TG: variants seen among roughly 807,000 people sequenced by gnomAD.
TG encodes thyroid hormones.
Under a neutral mutation model 324.7 loss-of-function variants are expected in TG, and 270 were observed. The ratio of observed to expected loss-of-function variants is 0.83; its 90% CI spans 0.75 to 0.92. TG has a LOEUF of 0.92. TG is among the 40% of genes least tolerant of loss of function. The pLI, the probability that TG is intolerant of heterozygous loss-of-function variation, is 0.00. For missense variants in TG, 3,591 were observed against 3,456.4 expected (o/e 1.04, Z -0.98); for synonymous variants, 1,401 against 1,327.0 (o/e 1.06, Z -1.21).
At chr8:132,883,225 G>C (rs1814912876) in intron 8 of TG, 1 of 575,702 alleles carries the variant, frequency 1.7e-6, no homozygotes, top group African/African-American at 1.9e-5. Context: ...GGGAATATTA[G>C]GAGGCTCATA....
At chr8:133,016,906 T>A (rs1475867520) in intron 37 of TG, among the ~76,000 whole-genome samples, 1 of 152,200 alleles carries the variant, frequency 6.6e-6, no homozygotes. Flanking sequence ...GCGATTAGTG[T>A]TGCATGGAGC....
At chr8:133,132,111 C>A (rs1481111746) in intron 46 of TG, among the ~76,000 whole-genome samples, 165 bp downstream of exon 46, 2 of 152,182 alleles carry the variant, frequency 1.3e-5, no homozygotes, top group Non-Finnish European at 2.9e-5. Flanking sequence ...CCCTCCTAGC[C>A]AAAACTGCTT....
At chr8:132,965,598 G>A (rs1314739189) in intron 29 of TG, among the ~76,000 whole-genome samples, 1 of 152,356 alleles carries the variant, frequency 6.6e-6, no homozygotes, top group East Asian at 1.9e-4. Flanking sequence ...CAAGGTTACA[G>A]AGCTATCCCC....
intron 35 of TG, among the ~76,000 whole-genome samples, chr8:132,995,797 A>G (rs1832821374): frequency 6.6e-6 from 1 of 152,224 alleles, no homozygotes. Flanking sequence ...TCATGAGGCC[A>G]TAGAAGGAAT....
intron 24 of TG, among the ~76,000 whole-genome samples, chr8:132,933,926 G>GGAA (rs1191090158): frequency 6.6e-6 from 1 of 152,194 alleles, no homozygotes; most frequent in Non-Finnish European, 1.5e-5. Context: ...GAGTCAGTCA[G>GGAA]GAGAGAACCA....
At chr8:132,928,003 T>C (rs113655193) in intron 22 of TG, among the ~76,000 whole-genome samples, 1 of 152,206 alleles carries the variant, frequency 6.6e-6, no homozygotes, top group African/African-American at 2.4e-5. Context: ...CAGAATTCTT[T>C]TCTCTATCAA....
At position 132,972,569 on chromosome 8, in the gene TG, G is replaced by T. The variant is rs561880524; in HGVS notation, c.6056-29G>T. 1.6e-4 allele frequency: 229 copies of T among 1,459,196 alleles called. 4 individuals carry two copies. Among genetic ancestry groups the T allele is most frequent in the African/African-American group, 6.2e-4 (41 of 66,256 alleles). 90.4% of individuals were successfully genotyped at this position (1,459,196 alleles called of 1,614,324 possible). On this transcript the variant is annotated intron_variant, in intron 33 of 47. Coordinates refer to ENST00000220616, the MANE Select transcript of TG (RefSeq NM_003235.5). ...CATTGTACTCAGTTTCCTGATTGTGGTTTTTTGTTTTTTTTTTTTCCACCC... is the reference window on the plus strand; with the variant it reads ...CATTGTACTCAGTTTCCTGATTGTGTTTTTTTGTTTTTTTTTTTTCCACCC...
At chr8:132,872,992 A>T in intron 4 of TG, 70 bp from the exon 5 acceptor site, 2 of 1,547,356 alleles carry the variant, frequency 1.3e-6, no homozygotes, top group South Asian at 2.3e-5. Context: ...ACACGAGTGC[A>T]TATGCTGCTC....
At chr8:132,984,375 A>T (rs186524837) in intron 35 of TG, among the ~76,000 whole-genome samples, 1 of 152,224 alleles carries the variant, frequency 6.6e-6, no homozygotes, top group Non-Finnish European at 1.5e-5. Flanking sequence ...TGGAGAACAC[A>T]TTATATATAA....
intron 23 of TG, among the ~76,000 whole-genome samples, chr8:132,930,067 C>T (rs1222496753): frequency 6.6e-6 from 1 of 152,160 alleles, no homozygotes; most frequent in African/African-American, 2.4e-5. Flanking sequence ...ATGCCTGCCT[C>T]AGTACCCACA....
In TG at chr8:133,108,145, CTATT is replaced by C. The variant is rs1370754920; in HGVS notation, c.7573-5275_7573-5272del. Among the ~76,000 whole-genome samples the C allele has an allele frequency of 2.0e-5, 3 of 151,514 alleles. No homozygotes were observed. In the East Asian group the frequency reaches 5.8e-4, roughly 29 times the overall value. On this transcript the variant is annotated intron_variant, in intron 43 of 47. Coordinates refer to ENST00000220616, the MANE Select transcript of TG (RefSeq NM_003235.5). ...TACAGGTGTGTGCCACCACACCTGGCTATTTTTTTTTTTCGTATTTTTAGTAGAG... is the reference window on the plus strand; with the variant it reads ...TACAGGTGTGTGCCACCACACCTGGCTTTTTTTTTCGTATTTTTAGTAGAG...
Position 132,948,009 on chromosome 8 carries a change from A to G in TG, c.5234-767A>G, listed in dbSNP as rs184321327. Reference sequence around the variant, plus strand: ...CAGAGTCAGGAGACATATTCAAGATAAAAGAGTCCAATGTCATCTCCCCTA... The same window carrying G: ...CAGAGTCAGGAGACATATTCAAGATGAAAGAGTCCAATGTCATCTCCCCTA... On this transcript the variant is annotated intron_variant, in intron 26 of 47. Transcript: ENST00000220616. 9.5e-4 allele frequency among the ~76,000 whole-genome samples: 145 copies of G among 152,354 alleles called. No individual in the cohort carries two copies. The Middle Eastern group carries it at 0.01, about 11-fold the overall frequency.
At chr8:133,058,212 C>T (rs545637046) in intron 41 of TG, among the ~76,000 whole-genome samples, 5 of 152,274 alleles carry the variant, frequency 3.3e-5, no homozygotes, top group East Asian at 3.9e-4. Context: ...GAGGAAACAA[C>T]GTTAGGACCA....
At chr8:132,896,697 C>T (rs894125484) in intron 11 of TG, among the ~76,000 whole-genome samples, 5 of 152,210 alleles carry the variant, frequency 3.3e-5, no homozygotes, top group Admixed American at 1.3e-4. Context: ...CTCTCCCCCT[C>T]ATGCATTCAT....
chr8:133,095,323 G>A, intron 42 of TG, 115 bp downstream of exon 42: 1 of 1,423,376 alleles, frequency 7.0e-7, no homozygotes, highest in South Asian at 1.2e-5. Flanking sequence ...TGAGGCTGAT[G>A]ACCAACTGGA....
At chr8:132,911,596 C>T in intron 19 of TG, 63 bp downstream of exon 19, 1 of 1,406,296 alleles carries the variant, frequency 7.1e-7, no homozygotes, top group Non-Finnish European at 1.0e-6. Context: ...TCAGTTTTCT[C>T]ATCTGCCAAA....
intron 40 of TG, among the ~76,000 whole-genome samples, chr8:133,022,537 G>C (rs1437666155): frequency 6.6e-6 from 1 of 152,172 alleles, no homozygotes; most frequent in Non-Finnish European, 1.5e-5. Context: ...CCCAGGGGAT[G>C]AGTTACATAG....
intron 26 of TG, among the ~76,000 whole-genome samples, chr8:132,943,467 C>G (rs551164994): frequency 6.6e-6 from 1 of 152,088 alleles, no homozygotes; most frequent in African/African-American, 2.4e-5. Flanking sequence ...ATAAATTACC[C>G]GGCCTCAGGT....
intron 25 of TG, among the ~76,000 whole-genome samples, chr8:132,937,961 G>A (rs1319923314): frequency 6.6e-6 from 1 of 152,124 alleles, no homozygotes; most frequent in Non-Finnish European, 1.5e-5. Flanking sequence ...CAGAAGATGT[G>A]CCCGGCAGCC....
Sources: gnomAD v4.1 joint callset for allele counts (sites outside exome capture counted in the v4.1 genomes callset) on GRCh38, gnomAD v4.1.1 for gene constraint, MANE v1.5 for transcripts, NCBI Gene and HGNC (gene_info 2026-07-23, HGNC 2026-07-21) for gene names.